The following GOLGA1 variants were observed in gnomAD, a reference collection of about 807,000 sequenced individuals.
GOLGA1 encodes the protein golgin subfamily A member 1.
In GOLGA1, 63 loss-of-function variants were observed where a neutral mutation model predicts 119.7. The ratio of observed to expected loss-of-function variants is 0.53; its 90% CI spans 0.43 to 0.65. GOLGA1 has a LOEUF of 0.65. GOLGA1 is among the 30% of genes least tolerant of loss of function. GOLGA1 has a pLI of 0.00. For missense variants in GOLGA1, 798 were observed against 912.8 expected, an observed-to-expected ratio of 0.87 and a Z score of 1.62; for synonymous variants, 318 against 333.4, an observed-to-expected ratio of 0.95 and a Z score of 0.50.
chr9:124,921,172 T>C lies in GOLGA1; in HGVS notation c.800A>G (p.Glu267Gly). 6.2e-7 allele frequency: 1 copy of C among 1,612,968 alleles called. No individual in the cohort carries two copies. The highest frequency in any genetic ancestry group is 1.1e-5 in the South Asian group (1 of 91,070). ...AAGCTGCTGAATGAGTGCTTGGAGC[T>C]CTTGTTCCTTTTGTTCCAGGGCTGT... The part of the protein sequence containing the change: ...KITALEQKEQ[E>G]LQALIQQLSI... Residue 267 changes from glutamate (E) to glycine (G), a missense_variant, in exon 10 of 23, where the codon GAG (glutamate) becomes GGG (glycine). Glu to Gly is a moderately conservative substitution (Grantham distance 98, BLOSUM62 -2). Coordinates refer to ENST00000373555, the MANE Select transcript of GOLGA1 (RefSeq NM_002077.4).
chr9:124,882,453 G>C (rs1829611731), intron 20 of GOLGA1, 57 bp downstream of exon 20: 1 of 1,293,726 alleles, frequency 7.7e-7, no homozygotes, highest in African/African-American at 1.4e-5. Context: ...GGAGGACCGG[G>C]CACAGGCAGC....
In GOLGA1 at chr9:124,881,635, A is replaced by T; in HGVS notation, c.2136+149T>A. On this transcript the variant is annotated intron_variant, in intron 21 of 22. Transcript: ENST00000373555. The surrounding 1 kb of genome is among the most constrained non-coding windows in gnomAD (Gnocchi z 4.9). ...CGCCAGCCGCTCACTCCGCAGGCCA[A>T]CGCCAGCAGGAGAAATGACTGGGTG... 1.5e-6 allele frequency: 1 copy of T among 676,584 alleles called. No individual in the cohort carries two copies. Among genetic ancestry groups the T allele is most frequent in the Non-Finnish European group, 2.6e-6 (1 of 384,948 alleles). The allele number at this position is 676,584 out of a possible 1,614,324, so 41.9% of individuals were successfully genotyped here. A position where few individuals can be genotyped will look rare whatever the true frequency, so the allele number is the denominator to read the frequency against.
At chr9:124,935,575 T>C (rs1018061357) in intron 3 of GOLGA1, among the ~76,000 whole-genome samples, 17 of 151,980 alleles carry the variant, frequency 1.1e-4, no homozygotes, top group African/African-American at 3.9e-4. Context: ...GGCAAGAGGA[T>C]TGCCTGAACT....
At chr9:124,887,548 C>T (rs1191934736) in intron 19 of GOLGA1, 1 of 152,108 alleles carries the variant, frequency 6.6e-6, no homozygotes, top group Admixed American at 6.6e-5. Flanking sequence ...TGCTGCAAAG[C>T]TTCTGTATTT....
chr9:124,945,664 TTC>T (rs2131559480), upstream of GOLGA1: 1 of 152,326 alleles, frequency 6.6e-6, no homozygotes, highest in South Asian at 2.1e-4. Flanking sequence ...CTTAATACAG[TTC>T]TCTTTATCCA....
At chr9:124,928,392 A>G (rs991446481) in intron 5 of GOLGA1, 107 bp from the exon 6 acceptor site, 5 of 563,458 alleles carry the variant, frequency 8.9e-6, no homozygotes, top group East Asian at 3.2e-5. Context: ...CCAAAGTCAC[A>G]TAAGTGGATT....
Position 124,881,100 on chromosome 9 carries a change from C to G in GOLGA1, c.2223+71G>C. 1 of 860,956 alleles carries G rather than the reference C, an allele frequency of 1.2e-6. No homozygotes were observed. Among genetic ancestry groups the G allele is most frequent in the South Asian group, 1.3e-5 (1 of 75,866 alleles). The allele number at this position is 860,956 out of a possible 1,614,324, so 53.3% of individuals were successfully genotyped here. On this transcript the variant is annotated intron_variant, in intron 22 of 22. Transcript: ENST00000373555. The surrounding 1 kb of genome is among the most constrained non-coding windows in gnomAD (Gnocchi z 4.9). ...ACACTCGGGTGTGGGTCTAAGGGGT[C>G]TTACACTGCTACTGCTGGGATAACT...
chr9:124,938,496 T>A (rs1275458361), intron 3 of GOLGA1, 81 bp downstream of exon 3: 4 of 1,158,074 alleles, frequency 3.5e-6, no homozygotes, highest in Admixed American at 2.0e-5. Flanking sequence ...ATGAAAGGTA[T>A]GAAATAATCA....
chr9:124,885,284 C>T (rs1424217292), intron 19 of GOLGA1, among the ~76,000 whole-genome samples: 3 of 150,956 alleles, frequency 2.0e-5, no homozygotes, highest in South Asian at 4.2e-4. Flanking sequence ...GCTGAGATCG[C>T]GCCACTGCAC....
chr9:124,914,196 C>G (rs927314446), intron 10 of GOLGA1, among the ~76,000 whole-genome samples: 3 of 152,148 alleles, frequency 2.0e-5, no homozygotes, highest in African/African-American at 7.2e-5. Context: ...CTGCAGCAAT[C>G]TTGAAAAAGA....
rs373561167 is a variant in GOLGA1, at chr9:124,893,004, AT to A, written c.1408-2527del. Reference sequence around the variant, plus strand: ...GAGTTTTCTATATGTTTACATTTAAATTTTTATGTTTTTGGAAATGGGTTCT... The same window carrying A: ...GAGTTTTCTATATGTTTACATTTAAATTTTATGTTTTTGGAAATGGGTTCT... On this transcript the variant is annotated intron_variant, in intron 15 of 22. Transcript: ENST00000373555. Among the ~76,000 whole-genome samples, 37 of 152,194 alleles carry A rather than the reference AT, an allele frequency of 2.4e-4. No individual in the cohort carries two copies. The East Asian group carries it at 6.2e-3, about 25-fold the overall frequency.
At chr9:124,900,972 T>G (rs901333145) in intron 12 of GOLGA1, among the ~76,000 whole-genome samples, 2 of 136,190 alleles carry the variant, frequency 1.5e-5, no homozygotes, top group Non-Finnish European at 3.1e-5. Flanking sequence ...CACACAGTAT[T>G]TTTTTTTTTT....
intron 6 of GOLGA1, among the ~76,000 whole-genome samples, chr9:124,927,185 G>T (rs1185689561): frequency 6.6e-6 from 1 of 152,072 alleles, no homozygotes; most frequent in African/African-American, 2.4e-5. Context: ...ATCTTTTGCA[G>T]TCCCTGATAA....
Position 124,900,446 on chromosome 9 carries a change from A to C in GOLGA1, c.1161+6T>G, listed in dbSNP as rs369598117. On this transcript the variant is annotated splice_donor_region_variant and intron_variant, in intron 13 of 22. Transcript: ENST00000373555. ...CTGGAATGCAGCAGCTCCAATAAGC[A>C]CTTACGAGCTCCTGTATCTGAGTTT... 7.2e-7 allele frequency: 1 copy of C among 1,392,600 alleles called. No individual in the cohort carries two copies. Among genetic ancestry groups the C allele is most frequent in the Non-Finnish European group, 1.0e-6 (1 of 977,818 alleles). The allele number at this position is 1,392,600 out of a possible 1,614,324, so 86.3% of individuals were successfully genotyped here. A position where few individuals can be genotyped will look rare whatever the true frequency, so the allele number is the denominator to read the frequency against.
intron 12 of GOLGA1, among the ~76,000 whole-genome samples, chr9:124,906,345 C>A (rs142695631): frequency 6.6e-6 from 1 of 151,694 alleles, no homozygotes; most frequent in Admixed American, 6.6e-5. Flanking sequence ...GCAGGAGAAT[C>A]GCTGGAACCC....
At chr9:124,944,196 T>C (rs972693029), upstream of GOLGA1, 4 of 152,148 alleles carry the variant, frequency 2.6e-5, no homozygotes, top group African/African-American at 9.6e-5. Flanking sequence ...AAAAGCCACA[T>C]AAATCAAGTT....
At chr9:124,906,752 C>G (rs1440869035) in intron 12 of GOLGA1, among the ~76,000 whole-genome samples, 1 of 150,392 alleles carries the variant, frequency 6.6e-6, no homozygotes, top group South Asian at 2.1e-4. Flanking sequence ...AACTCTGTCT[C>G]AAAAGAAAAA....
intron 12 of GOLGA1, among the ~76,000 whole-genome samples, chr9:124,905,643 G>A (rs1245329625): frequency 6.6e-6 from 1 of 151,982 alleles, no homozygotes; most frequent in African/African-American, 2.4e-5. Context: ...ATAAGAGGTG[G>A]GAAGATTGGA....
At chr9:124,935,753 A>C (rs1830851059) in intron 3 of GOLGA1, among the ~76,000 whole-genome samples, 1 of 134,012 alleles carries the variant, frequency 7.5e-6, no homozygotes, top group Non-Finnish European at 1.6e-5. Context: ...ACACAGCAAG[A>C]CTCTGTCTCC....
Sources: gnomAD v4.1 joint callset for allele counts (sites outside exome capture counted in the v4.1 genomes callset) on GRCh38, gnomAD v4.1.1 for gene constraint, Gnocchi (gnomAD v3.1) non-coding constraint, MANE v1.5 for transcripts, NCBI Gene and HGNC (gene_info 2026-07-23, HGNC 2026-07-21) for gene names.